The following FAAH2 variants were observed in gnomAD, a reference collection of about 807,000 sequenced individuals.
FAAH2 encodes the protein fatty-acid amide hydrolase 2.
FAAH2 carries 60 observed loss-of-function variants against 36.9 expected under a neutral mutation model. The observed-to-expected ratio is 1.63, with a 90% CI of 1.32 to 2.02. The LOEUF is 2.02. FAAH2 is among the 30% of genes most tolerant of loss of function. FAAH2 has a pLI of 0.00. For missense variants in FAAH2, 689 were observed against 397.5 expected, an observed-to-expected ratio of 1.73 and a Z score of -6.23; for synonymous variants, 214 against 143.8, an observed-to-expected ratio of 1.49 and a Z score of -3.49.
chrX:57,441,137 A>T (rs1306306054), intron 8 of FAAH2, among the ~76,000 whole-genome samples: 1 of 111,420 alleles, frequency 9.0e-6, no homozygotes, highest in East Asian at 2.8e-4. Flanking sequence ...GTTAGGGAGG[A>T]TTCCCTCTTT....
At chrX:57,192,033 A>AT in the FAAH2 span, among the ~76,000 whole-genome samples, 7 of 111,476 alleles carry the variant, frequency 6.3e-5, no homozygotes, top group Non-Finnish European at 1.1e-4. Context: ...TTTGATGGGG[A>AT]TTGCATAAAA....
chrX:57,351,103 T>C (rs966840114), intron 5 of FAAH2, among the ~76,000 whole-genome samples: 3 of 111,466 alleles, frequency 2.7e-5, no homozygotes, highest in Middle Eastern at 4.2e-3. Context: ...AGAAAAAGCT[T>C]CAACACAATT....
At chrX:57,376,727 C>T (rs1016980116) in intron 5 of FAAH2, among the ~76,000 whole-genome samples, 1 of 111,834 alleles carries the variant, frequency 8.9e-6, no homozygotes, top group East Asian at 2.8e-4. Context: ...GAGGAATCAC[C>T]ACACTGTCTT....
chrX:57,359,217 C>T (rs2054231230), intron 5 of FAAH2, among the ~76,000 whole-genome samples: 1 of 111,007 alleles, frequency 9.0e-6, no homozygotes. Flanking sequence ...CCTCTGGTAA[C>T]CATGATTTTA....
chrX:57,255,510 A>G, the FAAH2 span, among the ~76,000 whole-genome samples: 2 of 112,053 alleles, frequency 1.8e-5, no homozygotes, highest in Non-Finnish European at 3.8e-5. Context: ...GATGAAGATC[A>G]AGGAGAACAT....
At chrX:57,160,057 A>C in the FAAH2 span, among the ~76,000 whole-genome samples, 1 of 111,983 alleles carries the variant, frequency 8.9e-6, no homozygotes, top group Non-Finnish European at 1.9e-5. Context: ...AGCATTGCTG[A>C]ATTTTGTCAA....
intron 7 of FAAH2, among the ~76,000 whole-genome samples, chrX:57,402,930 G>A (rs769356466): frequency 3.2e-4 from 36 of 111,673 alleles, no homozygotes; most frequent in African/African-American, 5.5e-4. Context: ...ACAAACTCTC[G>A]GGCTGCAGTT....
the FAAH2 span, among the ~76,000 whole-genome samples, chrX:57,280,066 G>T: frequency 1.8e-5 from 2 of 111,818 alleles, no homozygotes; most frequent in African/African-American, 6.5e-5. Flanking sequence ...TATTGCTGAA[G>T]AAATTAAAGA....
intron 2 of FAAH2, among the ~76,000 whole-genome samples, chrX:57,306,945 AG>A (rs1307213876): frequency 1.2e-5 from 1 of 80,981 alleles, no homozygotes; most frequent in African/African-American, 4.0e-5. Flanking sequence ...TATACTATAT[AG>A]TACTATATAT....
chrX:57,235,105 G>T, the FAAH2 span, among the ~76,000 whole-genome samples: 71 of 110,939 alleles, frequency 6.4e-4, no homozygotes, highest in African/African-American at 2.3e-3. Flanking sequence ...CAATCCAGGT[G>T]TGTAGCAGTG....
At chrX:57,242,437 A>G in the FAAH2 span, among the ~76,000 whole-genome samples, 19 of 112,379 alleles carry the variant, frequency 1.7e-4, no homozygotes, top group African/African-American at 5.8e-4. Context: ...AAGGAACCCC[A>G]TTTAAAAAAA....
chrX:57,294,714 C>T (rs1242943447), intron 2 of FAAH2, among the ~76,000 whole-genome samples: 1 of 111,714 alleles, frequency 9.0e-6, no homozygotes, highest in Admixed American at 9.5e-5. Flanking sequence ...CCTTTCCCCA[C>T]CTCTCCTTTA....
intron 2 of FAAH2, among the ~76,000 whole-genome samples, chrX:57,306,896 A>G (rs2052546916): frequency 1.1e-5 from 1 of 88,547 alleles, no homozygotes; most frequent in Non-Finnish European, 2.2e-5. Flanking sequence ...TACACCATAT[A>G]TACATATATA....
the FAAH2 span, among the ~76,000 whole-genome samples, chrX:57,167,145 C>T: frequency 9.0e-6 from 1 of 111,436 alleles, no homozygotes; most frequent in Non-Finnish European, 1.9e-5. Context: ...TGGAGCTGTG[C>T]TTTGCAAACG....
At chrX:57,193,028 G>A in the FAAH2 span, among the ~76,000 whole-genome samples, 8 of 112,342 alleles carry the variant, frequency 7.1e-5, no homozygotes, top group Non-Finnish European at 1.1e-4. Context: ...CAGGATAACA[G>A]CAATGTTCAG....
At chrX:57,157,240 TG>T in the FAAH2 span, among the ~76,000 whole-genome samples, 1 of 111,935 alleles carries the variant, frequency 8.9e-6, no homozygotes, top group African/African-American at 3.2e-5. Context: ...CAACTGCAGC[TG>T]GTGTCCTGCT....
chrX:57,316,532 A>G (rs2052844254), intron 3 of FAAH2, among the ~76,000 whole-genome samples: 1 of 111,456 alleles, frequency 9.0e-6, no homozygotes, highest in Non-Finnish European at 1.9e-5. Flanking sequence ...AGACACATAG[A>G]CCAATGGAAC....
At chrX:57,400,039 G>A (rs890907814) in intron 7 of FAAH2, among the ~76,000 whole-genome samples, 1 of 112,114 alleles carries the variant, frequency 8.9e-6, no homozygotes, top group African/African-American at 3.2e-5. Context: ...GAGTGGTGTA[G>A]GTTTGAGCAA....
intron 7 of FAAH2, chrX:57,395,473 A>G: frequency 2.1e-6 from 1 of 486,937 alleles, no homozygotes; most frequent in Non-Finnish European, 3.6e-6. Context: ...CTTAGGAGGA[A>G]TGCTTTAACC....
Sources: gnomAD v4.1 joint callset for allele counts (sites outside exome capture counted in the v4.1 genomes callset) on GRCh38, gnomAD v4.1.1 for gene constraint, MANE v1.5 for transcripts, NCBI Gene and HGNC (gene_info 2026-07-23, HGNC 2026-07-21) for gene names.